Variants in ST6GAL1 observed in about 807,000 individuals in gnomAD.
ST6GAL1 encodes beta-galactoside alpha-2,6-sialyltransferase 1.
In ST6GAL1, 20 loss-of-function variants were observed where a neutral mutation model predicts 38.0. The ratio of observed to expected loss-of-function variants is 0.53; its 90% CI spans 0.37 to 0.77. The LOEUF is 0.77. ST6GAL1 is among the 30% of genes least tolerant of loss of function. The pLI is 0.00. For missense variants in ST6GAL1, 432 were observed against 496.4 expected (o/e 0.87, Z 1.23); for synonymous variants, 196 against 188.2 (o/e 1.04, Z -0.34).
At chr3:186,944,078 G>A (rs1714273176) in intron 1 of ST6GAL1, among the ~76,000 whole-genome samples, 1 of 152,212 alleles carries the variant, frequency 6.6e-6, no homozygotes, top group Non-Finnish European at 1.5e-5. Flanking sequence ...CTGAGTCTTG[G>A]TTCTAGGGTT....
At chr3:186,996,001 G>T (rs1447626738) in intron 2 of ST6GAL1, among the ~76,000 whole-genome samples, 2 of 152,138 alleles carry the variant, frequency 1.3e-5, no homozygotes, top group Non-Finnish European at 2.9e-5. Context: ...TATTATCGGT[G>T]CGTGTTTACT....
rs999607519 is a variant in ST6GAL1, at chr3:187,078,281, G to A, written c.*2478G>A. ...TTGGTAAAATGCAAATTATGATATG[G>A]ACGTTATCATTGGTCTGGTGAGATG... On this transcript the variant is annotated 3_prime_UTR_variant, in exon 8 of 8. Coordinates refer to ENST00000169298, the MANE Select transcript of ST6GAL1 (RefSeq NM_173216.2). The A allele has an allele frequency of 1.3e-5, 2 of 152,426 alleles. No homozygotes were observed. Among genetic ancestry groups the A allele is most frequent in the Non-Finnish European group, 2.9e-5 (2 of 68,034 alleles). The allele number at this position is 152,426 out of a possible 1,614,324, so 9.4% of individuals were successfully genotyped here. A position where few individuals can be genotyped will look rare whatever the true frequency, so the allele number is the denominator to read the frequency against.
chr3:187,064,616 G>A (rs1002203140), intron 5 of ST6GAL1: 1 of 456,538 alleles, frequency 2.2e-6, no homozygotes, highest in Non-Finnish European at 4.4e-6. Flanking sequence ...CTGCTTCTTA[G>A]GCAAGTCAGC....
At chr3:187,025,053 T>TGAG (rs2108568469) in intron 2 of ST6GAL1, among the ~76,000 whole-genome samples, 1 of 150,494 alleles carries the variant, frequency 6.6e-6, no homozygotes, top group Non-Finnish European at 1.5e-5. Context: ...GTAGAGAATC[T>TGAG]GAGGGTCTAC....
intron 2 of ST6GAL1, among the ~76,000 whole-genome samples, chr3:186,995,898 C>A (rs4686827): frequency 0.85 from 129,737 of 152,138 alleles, 55,348 homozygotes; most frequent in East Asian, 0.9. Context: ...TTCCCACGGG[C>A]GGGGACACTG....
intron 2 of ST6GAL1, chr3:186,986,245 A>G (rs1014672027): frequency 6.6e-6 from 1 of 152,162 alleles, no homozygotes; most frequent in African/African-American, 2.4e-5. Flanking sequence ...ATGACACACT[A>G]AGCTAATAAC....
intron 2 of ST6GAL1, among the ~76,000 whole-genome samples, chr3:186,994,089 A>G (rs537952400): frequency 6.6e-6 from 1 of 152,322 alleles, no homozygotes; most frequent in Admixed American, 6.5e-5. Flanking sequence ...AACTAGTAGA[A>G]GCCTAGTACA....
chr3:186,949,643 G>A (rs1714508942), intron 1 of ST6GAL1, among the ~76,000 whole-genome samples: 1 of 152,214 alleles, frequency 6.6e-6, no homozygotes, highest in Non-Finnish European at 1.5e-5. Context: ...AGGGCTTGGA[G>A]GCAACTCACT....
chr3:187,009,082 CTTCTT>C (rs1406920518), intron 2 of ST6GAL1, among the ~76,000 whole-genome samples: 1 of 150,616 alleles, frequency 6.6e-6, no homozygotes, highest in African/African-American at 2.4e-5. Flanking sequence ...CCCTCCCTCC[CTTCTT>C]TTCTTCTTTG....
At chr3:186,937,656 C>T (rs969479987) in intron 1 of ST6GAL1, among the ~76,000 whole-genome samples, 4 of 152,140 alleles carry the variant, frequency 2.6e-5, no homozygotes, top group South Asian at 2.1e-4. Context: ...TGCAGGATGC[C>T]GTGCGACCTT....
intron 4 of ST6GAL1, among the ~76,000 whole-genome samples, chr3:187,047,951 T>G (rs964955226): frequency 3.3e-5 from 5 of 151,456 alleles, no homozygotes; most frequent in African/African-American, 1.2e-4. Flanking sequence ...CCTTTCTTTT[T>G]TTTTTTTTTG....
chr3:187,031,777 T>G (rs990789046), intron 2 of ST6GAL1, among the ~76,000 whole-genome samples: 3 of 152,184 alleles, frequency 2.0e-5, no homozygotes, highest in African/African-American at 7.2e-5. Context: ...CACTATGAGG[T>G]AGGACTTGTT....
intron 2 of ST6GAL1, among the ~76,000 whole-genome samples, chr3:187,005,194 A>G (rs971129284): frequency 1.3e-5 from 2 of 151,864 alleles, no homozygotes; most frequent in African/African-American, 2.4e-5. Context: ...AGGACTGACC[A>G]TGAGTTGATA....
rs185527672 is a variant in ST6GAL1, at chr3:187,012,473, C to G, written c.-182-26269C>G. ...GGGTTTCAATATTGGTCAGGCTGGT[C>G]TTGAACTCCTGACCTTGTGATCCAT... On this transcript the variant is annotated intron_variant, in intron 2 of 7. Coordinates refer to ENST00000169298, the MANE Select transcript of ST6GAL1 (RefSeq NM_173216.2). Among the ~76,000 whole-genome samples the G allele has an allele frequency of 3.5e-4, 53 of 152,306 alleles. 1 individual carries two copies. The East Asian group carries it at 9.9e-3, about 28-fold the overall frequency.
At chr3:187,072,753 G>GCCTCAGGCTGTAC (rs1280945323) in intron 5 of ST6GAL1, 96 bp from the exon 6 acceptor site, 1 of 1,051,010 alleles carries the variant, frequency 9.5e-7, no homozygotes, top group Non-Finnish European at 1.5e-6. Context: ...GGGCTCTGGG[G>GCCTCAGGCTGTAC]CCTCAGGCTG....
chr3:187,065,115 C>T (rs955010415), intron 5 of ST6GAL1, among the ~76,000 whole-genome samples: 11 of 151,906 alleles, frequency 7.2e-5, no homozygotes, highest in African/African-American at 1.7e-4. Context: ...TCCCCTGCCT[C>T]GGTCTCCCAA....
At chr3:187,005,709 CA>C (rs1716765496) in intron 2 of ST6GAL1, among the ~76,000 whole-genome samples, 1 of 152,068 alleles carries the variant, frequency 6.6e-6, no homozygotes, top group Non-Finnish European at 1.5e-5. Context: ...TCCTTGTGCC[CA>C]AATTGCTTTT....
chr3:187,030,281 T>C (rs2108571810), intron 2 of ST6GAL1, among the ~76,000 whole-genome samples: 1 of 152,270 alleles, frequency 6.6e-6, no homozygotes, highest in African/African-American at 2.4e-5. Flanking sequence ...CATGCATTGA[T>C]GCATGTGATG....
At chr3:187,058,377 C>T (rs553422253) in intron 5 of ST6GAL1, among the ~76,000 whole-genome samples, 4 of 152,246 alleles carry the variant, frequency 2.6e-5, no homozygotes, top group East Asian at 3.9e-4. Context: ...TCTTGTTTGT[C>T]GATCGCGCTG....
Sources: allele counts gnomAD v4.1 joint callset (sites outside exome capture counted in the v4.1 genomes callset), GRCh38; gene constraint gnomAD v4.1.1; transcripts MANE v1.5; gene names NCBI Gene and HGNC (gene_info 2026-07-23, HGNC 2026-07-21).